TNRC18: variants seen among roughly 807,000 people sequenced by gnomAD.
TNRC18 encodes trinucleotide repeat containing 18.
A neutral mutation model predicts 226.7 loss-of-function variants in TNRC18; 69 were observed. The observed-to-expected ratio is 0.30, with a 90% confidence interval of 0.25 to 0.37. TNRC18 has a LOEUF of 0.37. Ranked by LOEUF, TNRC18 falls within the 10% of genes least tolerant of loss-of-function variation. The probability of loss-of-function intolerance (pLI) is 1.00; values close to 1 mark genes in which losing one functional copy is unlikely to be tolerated. For synonymous variants in TNRC18, 2,449 were observed against 1,927.6 expected (o/e 1.27, Z -7.09); for missense variants, 4,754 against 4,256.6 (o/e 1.12, Z -3.25).
At chr7:5,405,618 C>T (rs1470065229) in intron 2 of TNRC18, among the ~76,000 whole-genome samples, 2 of 152,050 alleles carry the variant, frequency 1.3e-5, no homozygotes, top group Non-Finnish European at 2.9e-5. Context: ...TAGCTTGTGC[C>T]TGTAGTCCCA....
chr7:5,411,347 A>G (rs1353903595), intron 2 of TNRC18, among the ~76,000 whole-genome samples: 5 of 151,740 alleles, frequency 3.3e-5, no homozygotes, highest in South Asian at 2.1e-4. Flanking sequence ...TGATGTTGCA[A>G]TTCTTTCAAA....
chr7:5,361,741 C>T lies in TNRC18; in HGVS notation c.4533-19G>A. ...CCTGTCCCTTAAAAAGAATCACACG[C>T]TTGGCTGTGACGCTGGGGGGCGGGC... is the stretch of plus-strand genomic sequence containing the variant. On this transcript the variant is annotated intron_variant, in intron 13 of 29. Coordinates refer to ENST00000430969, the MANE Select transcript of TNRC18 (RefSeq NM_001080495.3). The T allele has an allele frequency of 1.3e-6, 2 of 1,559,310 alleles. No homozygotes were observed. The highest frequency in any genetic ancestry group is 1.2e-5 in the South Asian group (1 of 84,884).
rs1340949317 is a variant in TNRC18, at chr7:5,307,615, A to C, written c.*491T>G. On this transcript the variant is annotated 3_prime_UTR_variant, in exon 30 of 30. Coordinates refer to ENST00000430969, the MANE Select transcript of TNRC18 (RefSeq NM_001080495.3). The stretch of plus-strand genomic sequence containing the variant: ...GGCACAGTCAGGTAGGCCAGCTGGC[A>C]TCGGGCTGCCCTGTCCCATGCACGG... The C allele has an allele frequency of 6.8e-6, 3 of 441,502 alleles. No individual in the cohort carries two copies. Among genetic ancestry groups the C allele is most frequent in the African/African-American group, 6.1e-5 (3 of 49,536 alleles). 27.3% of individuals were successfully genotyped at this position (441,502 alleles called of 1,614,324 possible).
intron 24 of TNRC18, among the ~76,000 whole-genome samples, chr7:5,317,061 A>C (rs961123175): frequency 1.3e-5 from 2 of 152,142 alleles, no homozygotes; most frequent in African/African-American, 4.8e-5. Flanking sequence ...CAAACGCCAG[A>C]TGCTGGTACT....
intron 2 of TNRC18, among the ~76,000 whole-genome samples, chr7:5,405,336 A>G (rs1458289166): frequency 6.6e-6 from 1 of 152,188 alleles, no homozygotes; most frequent in Non-Finnish European, 1.5e-5. Context: ...TGGGAGGCTG[A>G]GGCGAGTGGA....
intron 5 of TNRC18, among the ~76,000 whole-genome samples, chr7:5,384,640 G>C (rs1203405922): frequency 1.3e-5 from 2 of 152,150 alleles, no homozygotes; most frequent in Admixed American, 6.5e-5. Context: ...CATGTGACGG[G>C]AGGATCCTTC....
At position 5,316,014 on chromosome 7, in the gene TNRC18, G is replaced by A. The variant is rs764724954; in HGVS notation, c.6804C>T (p.Asp2268=). 1.2e-6 allele frequency: 2 copies of A among 1,604,254 alleles called. No homozygotes were observed. Among genetic ancestry groups the A allele is most frequent in the Admixed American group, 3.4e-5 (2 of 58,912 alleles). Reference sequence around the variant, plus strand: ...TATGTGAGAGGGGGATCCTGCCCGTGTCTCCGTCGTCAAACTCCACGGTGA... The same window carrying A: ...TATGTGAGAGGGGGATCCTGCCCGTATCTCCGTCGTCAAACTCCACGGTGA... ...DLITVEFDDG[D]TGRIPLSHIR... The change falls in exon 25 of 30, where the codon GAC becomes GAT. Residue 2268 remains aspartate, a synonymous_variant. Transcript: ENST00000430969.
chr7:5,347,189 ATT>A (rs1317535974), intron 17 of TNRC18, among the ~76,000 whole-genome samples: 7 of 132,270 alleles, frequency 5.3e-5, no homozygotes, highest in South Asian at 2.5e-4. Context: ...AAAAAAAAAA[ATT>A]TTTTTTTTTT....
chr7:5,394,591 C>A lies in TNRC18; in HGVS notation c.192G>T (p.Glu64Asp). Residue 64 changes from glutamate (E) to aspartate (D), a missense_variant, in exon 3 of 30, where the codon GAG (glutamate) becomes GAT (aspartate). Transcript: ENST00000430969. This position sits in a 1 kb window ranked among gnomAD's most constrained non-coding sequence, Gnocchi z 4.5. ...TGGCCACAAAGCTGCCCAAGAAGGC[C>A]TCGCCTGCAGAGAGAAGTTGGGAGG... is the stretch of plus-strand genomic sequence containing the variant. ...AGLNLHPHPGEAFLGSFVASG... is the reference protein window; with the variant it reads ...AGLNLHPHPGDAFLGSFVASG... The A allele has an allele frequency of 6.5e-7, 1 of 1,545,630 alleles. No individual in the cohort carries two copies. Among genetic ancestry groups the A allele is most frequent in the Non-Finnish European group, 8.7e-7 (1 of 1,146,024 alleles).
At chr7:5,375,423 C>G (rs1028563945) in intron 9 of TNRC18, among the ~76,000 whole-genome samples, 47 of 152,228 alleles carry the variant, frequency 3.1e-4, no homozygotes, top group Non-Finnish European at 2.5e-4. Flanking sequence ...CTAGGCAACG[C>G]TAGCATCTGT....
rs530191909 is a variant in TNRC18, at chr7:5,374,337, C to G, written c.2947G>C (p.Ala983Pro). The change falls in exon 10 of 30, where the codon GCG becomes CCG. Residue 983 changes from alanine to proline, a missense_variant. Coordinates refer to ENST00000430969, the MANE Select transcript of TNRC18 (RefSeq NM_001080495.3). ...CTCACGGCCTTGCCGTAGGTGCCCG[C>G]GGGGCCGGCGGCCAGGCCAGGGGGC... ...RKPPGLAAGP[A>P]GTYGKAVSPP... 12 of 1,420,032 alleles carry G rather than the reference C, an allele frequency of 8.5e-6. No homozygotes were observed. In the African/African-American group the frequency reaches 1.8e-4, roughly 22 times the overall value. 88.0% of individuals were successfully genotyped at this position (1,420,032 alleles called of 1,614,324 possible). A position where few individuals can be genotyped will look rare whatever the true frequency, so the allele number is the denominator to read the frequency against.
At chr7:5,314,357 T>C (rs1191369152) in intron 26 of TNRC18, among the ~76,000 whole-genome samples, 2 of 152,062 alleles carry the variant, frequency 1.3e-5, no homozygotes, top group Non-Finnish European at 2.9e-5. Flanking sequence ...GGTTCCCCTA[T>C]AACAACCTTA....
In TNRC18 at chr7:5,389,349, G is replaced by GA; in HGVS notation, c.488-14dup. 7.9e-7 allele frequency: 1 copy of GA among 1,264,296 alleles called. No individual in the cohort carries two copies. The highest frequency in any genetic ancestry group is 1.5e-5 in the African/African-American group (1 of 64,974). The allele number at this position is 1,264,296 out of a possible 1,614,324, so 78.3% of individuals were successfully genotyped here. A position where few individuals can be genotyped will look rare whatever the true frequency, so the allele number is the denominator to read the frequency against. On this transcript the variant is annotated splice_polypyrimidine_tract_variant and intron_variant, in intron 4 of 29. Coordinates refer to ENST00000430969, the MANE Select transcript of TNRC18 (RefSeq NM_001080495.3). ...AGGTAGAAACCGTCTGCGGAGAAGG[G>GA]AACAGCAGGCAGTGAGCGAGCGCCA...
chr7:5,419,940 G>A (rs1410538835), intron 2 of TNRC18: 2 of 163,252 alleles, frequency 1.2e-5, no homozygotes, highest in South Asian at 1.4e-4. Context: ...GGCTACTCTG[G>A]AAATTGCAAA....
intron 2 of TNRC18, among the ~76,000 whole-genome samples, chr7:5,415,316 C>T (rs550804456): frequency 4.7e-5 from 7 of 149,958 alleles, no homozygotes; most frequent in African/African-American, 1.8e-4. Context: ...CCCCTCACCT[C>T]TCAGACCAGA....
chr7:5,371,794 G>A (rs555782034), intron 10 of TNRC18, among the ~76,000 whole-genome samples: 1 of 151,730 alleles, frequency 6.6e-6, no homozygotes, highest in South Asian at 2.1e-4. Flanking sequence ...AGCAGAGCCA[G>A]GCGTGGTGGG....
chr7:5,421,989 G>GT (rs1782614767), intron 1 of TNRC18, among the ~76,000 whole-genome samples: 1 of 151,990 alleles, frequency 6.6e-6, no homozygotes, highest in Non-Finnish European at 1.5e-5. Context: ...TCCGAGTTTG[G>GT]TTTTTCCTGA....
At chr7:5,310,965 T>TACTCGTGTGCATGCACGTGC (rs1787126704) in intron 27 of TNRC18, among the ~76,000 whole-genome samples, 1 of 152,214 alleles carries the variant, frequency 6.6e-6, no homozygotes, top group Non-Finnish European at 1.5e-5. Flanking sequence ...TGTGCACGTG[T>TACTCGTGTGCATGCACGTGC]ACTCGTGTGC....
At position 5,368,063 on chromosome 7, in the gene TNRC18, A is replaced by AAG. The variant is rs397768435; in HGVS notation, c.4219+2311_4219+2312insCT. Among the ~76,000 whole-genome samples, 601 of 151,894 alleles carry AAG rather than the reference A, an allele frequency of 4.0e-3. 2 individuals carry two copies. Among genetic ancestry groups the AAG allele is most frequent in the Non-Finnish European group, 6.5e-3 (443 of 67,918 alleles). On this transcript the variant is annotated intron_variant, in intron 11 of 29. Transcript: ENST00000430969. ...TATTTGCAACGGAGAAAAAAAAAAA[A>AAG]CAACTTTGTTTTAAAGCAGACGAAA...
Sources: gnomAD v4.1 joint callset for allele counts (sites outside exome capture counted in the v4.1 genomes callset) on GRCh38, gnomAD v4.1.1 for gene constraint, Gnocchi (gnomAD v3.1) non-coding constraint, MANE v1.5 for transcripts, NCBI Gene and HGNC (gene_info 2026-07-23, HGNC 2026-07-21) for gene names.